SESN1: variants seen among roughly 807,000 people sequenced by gnomAD.
SESN1 encodes the protein sestrin-1.
SESN1 carries 30 observed loss-of-function variants against 59.3 expected under a neutral mutation model. The observed-to-expected ratio is 0.51, with a 90% CI of 0.38 to 0.69. The LOEUF (loss-of-function observed/expected upper bound fraction) is 0.69, where lower values mean the gene tolerates loss of function less well. Among genes scored for constraint, SESN1 ranks in the 30% least tolerant of loss-of-function variants. The pLI, the probability that SESN1 is intolerant of heterozygous loss-of-function variation, is 0.00. For missense variants in SESN1, 566 were observed against 673.0 expected (o/e 0.84, Z 1.76); for synonymous variants, 197 against 219.9 (o/e 0.90, Z 0.92).
chr6:109,031,287 T>C (rs901180242), intron 1 of SESN1, among the ~76,000 whole-genome samples: 1 of 152,160 alleles, frequency 6.6e-6, no homozygotes, highest in Non-Finnish European at 1.5e-5. Flanking sequence ...AAAGGAGCCC[T>C]AAAAGATTCT....
At chr6:109,071,074 G>A (rs567360977) in intron 1 of SESN1, among the ~76,000 whole-genome samples, 1 of 152,298 alleles carries the variant, frequency 6.6e-6, no homozygotes, top group East Asian at 1.9e-4. Flanking sequence ...AAACTGCCAA[G>A]TAATAATAAT....
chr6:109,029,427 G>GTGTAAAA (rs1272152710), intron 1 of SESN1, among the ~76,000 whole-genome samples: 1 of 152,192 alleles, frequency 6.6e-6, no homozygotes, highest in African/African-American at 2.4e-5. Flanking sequence ...TTTTTCTTGA[G>GTGTAAAA]TGTAAATTAT....
rs1779552254 is a variant in SESN1, at chr6:108,998,726, C to T, written c.759G>A (p.Trp253Ter). 1.2e-6 allele frequency: 2 copies of T among 1,612,890 alleles called. No homozygotes were observed. The highest frequency in any genetic ancestry group is 2.2e-5 in the East Asian group (1 of 44,860). Residue 253 changes from tryptophan (W) to a stop codon, truncating the protein, a stop_gained, in exon 5 of 10, where the codon TGG becomes TGA. Coordinates refer to ENST00000436639, the MANE Select transcript of SESN1 (RefSeq NM_014454.3). LOFTEE classifies it high-confidence loss of function. The stretch of plus-strand genomic sequence containing the variant: ...CTGCATGTACCAATTCCGCAAGGGA[C>T]CAGCTGTGCTCTTCAGCTTTTAAAA... Reference protein sequence around the residue: ...EGLLKAEEHSWSLAELVHAVV... With the variant: ...EGLLKAEEHS
At chr6:109,012,853 G>A (rs143213794) in intron 1 of SESN1, among the ~76,000 whole-genome samples, 4 of 152,102 alleles carry the variant, frequency 2.6e-5, no homozygotes, top group Non-Finnish European at 5.9e-5. Context: ...GGTGGCTTAC[G>A]CCTGTAATTC....
intron 1 of SESN1, among the ~76,000 whole-genome samples, chr6:109,072,452 C>A (rs77686990): frequency 6.6e-6 from 1 of 152,126 alleles, no homozygotes; most frequent in Non-Finnish European, 1.5e-5. Context: ...TTCCCCAAGT[C>A]GCATGTTTTT....
At chr6:109,044,024 CAAAG>C in intron 1 of SESN1, among the ~76,000 whole-genome samples, 2 of 152,042 alleles carry the variant, frequency 1.3e-5, no homozygotes, top group Middle Eastern at 6.8e-3. Flanking sequence ...TTATTGTTAA[CAAAG>C]AAGTGGCCAG....
At chr6:109,049,324 AAAAAGTTGATCTCATGGAAGT>A (rs982147905) in intron 1 of SESN1, among the ~76,000 whole-genome samples, 2 of 152,184 alleles carry the variant, frequency 1.3e-5, no homozygotes, top group African/African-American at 4.8e-5. Flanking sequence ...AGCCAAAAAA[AAAAAGTTGATCTCATGGAAGT>A]AAAAGGTAGA....
intron 1 of SESN1, among the ~76,000 whole-genome samples, chr6:109,081,917 G>T (rs184326716): frequency 2.0e-5 from 3 of 152,260 alleles, no homozygotes; most frequent in African/African-American, 7.2e-5. Context: ...CAGCTCTAAT[G>T]TCCTCATTAA....
At chr6:109,005,791 T>C (rs962309133) in intron 1 of SESN1, among the ~76,000 whole-genome samples, 3 of 152,160 alleles carry the variant, frequency 2.0e-5, no homozygotes, top group Non-Finnish European at 4.4e-5. Flanking sequence ...ATCCCAACTA[T>C]GTGGGATTAT....
intron 1 of SESN1, among the ~76,000 whole-genome samples, chr6:109,071,162 T>C (rs977998027): frequency 2.4e-4 from 37 of 152,078 alleles, no homozygotes; most frequent in African/African-American, 8.7e-4. Flanking sequence ...GGTCCAGCAA[T>C]GAACAAGAAA....
At chr6:109,052,479 T>G (rs1307586164) in intron 1 of SESN1, among the ~76,000 whole-genome samples, 2 of 152,224 alleles carry the variant, frequency 1.3e-5, no homozygotes, top group Non-Finnish European at 2.9e-5. Flanking sequence ...TTCTTATGTA[T>G]ATTTTTAGAC....
chr6:108,993,969 C>G (rs1182396469), intron 6 of SESN1, among the ~76,000 whole-genome samples: 1 of 151,530 alleles, frequency 6.6e-6, no homozygotes, highest in Non-Finnish European at 1.5e-5. Context: ...AAGACCCCAT[C>G]TCTACAAAAA....
intron 1 of SESN1, among the ~76,000 whole-genome samples, chr6:109,064,073 C>G (rs1780774881): frequency 6.6e-6 from 1 of 152,078 alleles, no homozygotes; most frequent in Non-Finnish European, 1.5e-5. Context: ...TGGAAATTAA[C>G]AATGAACGGT....
chr6:109,035,507 C>G (rs1021976416), intron 1 of SESN1, among the ~76,000 whole-genome samples: 23 of 150,930 alleles, frequency 1.5e-4, no homozygotes, highest in Non-Finnish European at 2.7e-4. Flanking sequence ...GTGTTCAGGA[C>G]TCTTGGGGAC....
intron 1 of SESN1, among the ~76,000 whole-genome samples, chr6:109,083,355 T>G (rs978895208): frequency 1.3e-5 from 2 of 152,250 alleles, no homozygotes; most frequent in African/African-American, 4.8e-5. Flanking sequence ...CTTTTGTTTT[T>G]TAAAGTATAA....
intron 1 of SESN1, among the ~76,000 whole-genome samples, chr6:109,061,391 G>A (rs79233335): frequency 2.6e-5 from 4 of 152,260 alleles, no homozygotes; most frequent in Non-Finnish European, 4.4e-5. Context: ...AACACTTTCA[G>A]TTATAATTTA....
chr6:109,029,553 T>G (rs999175220), intron 1 of SESN1, among the ~76,000 whole-genome samples: 2 of 152,194 alleles, frequency 1.3e-5, no homozygotes, highest in Admixed American at 6.5e-5. Flanking sequence ...TGTTTCTCTT[T>G]TAAGATGGGT....
chr6:109,049,306 T>A (rs933500731), intron 1 of SESN1, among the ~76,000 whole-genome samples: 1 of 151,138 alleles, frequency 6.6e-6, no homozygotes, highest in South Asian at 2.1e-4. Context: ...TTCTCACTCA[T>A]ATGTGAAAGC....
intron 1 of SESN1, among the ~76,000 whole-genome samples, chr6:109,091,561 G>A (rs1562478861): frequency 6.6e-6 from 1 of 152,122 alleles, no homozygotes; most frequent in African/African-American, 2.4e-5. Flanking sequence ...CATACATACC[G>A]TTCCCTATGT....
Sources: allele counts gnomAD v4.1 joint callset (sites outside exome capture counted in the v4.1 genomes callset), GRCh38; gene constraint gnomAD v4.1.1; transcripts MANE v1.5; gene names NCBI Gene and HGNC (gene_info 2026-07-23, HGNC 2026-07-21).